PAPPA2: variants seen among roughly 807,000 people sequenced by gnomAD.
The protein encoded by PAPPA2 is pappalysin 2.
In PAPPA2, 86 loss-of-function variants were observed where a neutral mutation model predicts 176.4. The observed-to-expected ratio is 0.49, with a 90% CI of 0.41 to 0.58. PAPPA2 has a LOEUF of 0.58. PAPPA2 is among the 20% of genes least tolerant of loss of function. The probability of loss-of-function intolerance (pLI) is 0.00; values close to 1 mark genes in which losing one functional copy is unlikely to be tolerated. For synonymous variants in PAPPA2, 809 were observed against 852.2 expected, an observed-to-expected ratio of 0.95 and a Z score of 0.88; for missense variants, 2,073 against 2,256.9, an observed-to-expected ratio of 0.92 and a Z score of 1.65.
intron 2 of PAPPA2, among the ~76,000 whole-genome samples, chr1:176,558,230 A>G (rs565151198): frequency 6.6e-6 from 1 of 152,342 alleles, no homozygotes; most frequent in Admixed American, 6.5e-5. Context: ...AATTATCCAC[A>G]GTGCTCTTTC....
At chr1:176,561,795 A>C (rs947342848) in intron 2 of PAPPA2, among the ~76,000 whole-genome samples, 1 of 152,156 alleles carries the variant, frequency 6.6e-6, no homozygotes, top group Admixed American at 6.5e-5. Flanking sequence ...GCTGCTGATA[A>C]AGACATACCT....
chr1:176,764,900 C>G (rs749082177), intron 14 of PAPPA2, among the ~76,000 whole-genome samples: 1 of 152,170 alleles, frequency 6.6e-6, no homozygotes, highest in Non-Finnish European at 1.5e-5. Flanking sequence ...CCGGCCTGCT[C>G]CAGTGTATTC....
chr1:176,716,853 C>T (rs533415936), intron 12 of PAPPA2, among the ~76,000 whole-genome samples: 2 of 151,998 alleles, frequency 1.3e-5, no homozygotes, highest in African/African-American at 4.8e-5. Context: ...CCTCGTGATC[C>T]GCCCATCTCG....
chr1:176,804,797 T>C (rs1665826499), intron 21 of PAPPA2, among the ~76,000 whole-genome samples: 1 of 152,200 alleles, frequency 6.6e-6, no homozygotes, highest in South Asian at 2.1e-4. Flanking sequence ...CAGAAAACAT[T>C]TATTGATTGA....
At chr1:176,695,702 T>G in intron 6 of PAPPA2, 36 bp from the exon 7 acceptor site, 2 of 1,611,024 alleles carry the variant, frequency 1.2e-6, no homozygotes, top group Middle Eastern at 1.7e-4. Flanking sequence ...TGATGGACTC[T>G]CCTCATCTCC....
At chr1:176,706,487 C>T in intron 10 of PAPPA2, 37 bp downstream of exon 10, 1 of 1,556,286 alleles carries the variant, frequency 6.4e-7, no homozygotes, top group East Asian at 2.3e-5. Flanking sequence ...TTGTGTCCTA[C>T]TTTTAGAGGT....
chr1:176,791,501 C>T lies in PAPPA2; in HGVS notation c.5020+19C>T. The T allele has an allele frequency of 6.3e-7, 1 of 1,598,618 alleles. No homozygotes were observed. Among genetic ancestry groups the T allele is most frequent in the Non-Finnish European group, 8.5e-7 (1 of 1,171,324 alleles). On this transcript the variant is annotated intron_variant, in intron 19 of 22. Coordinates refer to ENST00000367662, the MANE Select transcript of PAPPA2 (RefSeq NM_020318.3). Reference sequence around the variant, plus strand: ...GGGATTGGTAAGGATAGGAGTGAATCTTAAAGTCAATTTCTATGTCATTCT... The same window carrying T: ...GGGATTGGTAAGGATAGGAGTGAATTTTAAAGTCAATTTCTATGTCATTCT...
intron 8 of PAPPA2, among the ~76,000 whole-genome samples, chr1:176,700,559 G>A (rs567165563): frequency 1.3e-5 from 2 of 152,340 alleles, no homozygotes; most frequent in East Asian, 3.9e-4. Context: ...GGAGATGAGG[G>A]CCTCTTTCCT....
intron 15 of PAPPA2, among the ~76,000 whole-genome samples, chr1:176,768,637 G>A (rs1044464496): frequency 1.3e-5 from 2 of 151,966 alleles, no homozygotes; most frequent in African/African-American, 4.8e-5. Flanking sequence ...GTTTCAACAT[G>A]TGATTTGCTT....
intron 3 of PAPPA2, among the ~76,000 whole-genome samples, chr1:176,640,520 A>G (rs936050026): frequency 1.1e-3 from 160 of 151,300 alleles, no homozygotes; most frequent in Non-Finnish European, 1.9e-3. Flanking sequence ...AAGGACATGA[A>G]CTCATTTTTT....
intron 1 of PAPPA2, among the ~76,000 whole-genome samples, chr1:176,521,133 AG>A (rs1205908984): frequency 8.8e-5 from 13 of 147,582 alleles, no homozygotes; most frequent in African/African-American, 2.8e-4. Context: ...AGAGAGAGAG[AG>A]TAGGGCGGTG....
intron 12 of PAPPA2, among the ~76,000 whole-genome samples, chr1:176,728,559 A>G (rs1661988530): frequency 1.3e-5 from 2 of 151,966 alleles, no homozygotes; most frequent in East Asian, 1.9e-4. Flanking sequence ...CTGTATAGAA[A>G]GACTCAATAT....
At chr1:176,478,537 C>A (rs576938785) in intron 1 of PAPPA2, among the ~76,000 whole-genome samples, 1 of 152,360 alleles carries the variant, frequency 6.6e-6, no homozygotes, top group African/African-American at 2.4e-5. Flanking sequence ...TGCAGAATAA[C>A]AATCACAGCC....
chr1:176,508,573 A>T (rs1392043194), intron 1 of PAPPA2, among the ~76,000 whole-genome samples: 1 of 151,114 alleles, frequency 6.6e-6, no homozygotes, highest in Non-Finnish European at 1.5e-5. Flanking sequence ...TGAAGTATAT[A>T]TAGGAAAAAA....
chr1:176,675,257 C>G (rs907772532), intron 4 of PAPPA2, among the ~76,000 whole-genome samples: 5 of 152,062 alleles, frequency 3.3e-5, no homozygotes, highest in Non-Finnish European at 7.4e-5. Context: ...TATGATTGTT[C>G]ATGCACAGTG....
Position 176,727,110 on chromosome 1 carries a change from T to A in PAPPA2, c.3799-12516T>A, listed in dbSNP as rs536560519. On this transcript the variant is annotated intron_variant, in intron 12 of 22. Transcript: ENST00000367662. ...GAGGAAAAGTCAAAGAGAAGATTAA[T>A]GGAATAATAAAATAAATGGATTCAA... Among the ~76,000 whole-genome samples the A allele has an allele frequency of 1.7e-4, 26 of 152,074 alleles. No individual in the cohort carries two copies. In the South Asian group the frequency reaches 5.2e-3, roughly 30 times the overall value.
At chr1:176,637,570 A>T (rs771121694) in intron 3 of PAPPA2, among the ~76,000 whole-genome samples, 16 of 152,150 alleles carry the variant, frequency 1.1e-4, no homozygotes, top group Non-Finnish European at 2.1e-4. Flanking sequence ...CTTTTGATCA[A>T]GTGGATACTG....
intron 14 of PAPPA2, among the ~76,000 whole-genome samples, chr1:176,742,304 GAA>G (rs376795422): frequency 2.8e-5 from 4 of 142,362 alleles, no homozygotes; most frequent in South Asian, 2.2e-4. Context: ...AACTGAACAA[GAA>G]AAAAAAAAAG....
intron 4 of PAPPA2, among the ~76,000 whole-genome samples, chr1:176,686,415 A>G (rs892207668): frequency 6.6e-6 from 1 of 152,302 alleles, no homozygotes; most frequent in South Asian, 2.1e-4. Context: ...AACTGCCCCC[A>G]TGATTCAATT....
Sources: gnomAD v4.1 joint callset for allele counts (sites outside exome capture counted in the v4.1 genomes callset) on GRCh38, gnomAD v4.1.1 for gene constraint, MANE v1.5 for transcripts, NCBI Gene and HGNC (gene_info 2026-07-23, HGNC 2026-07-21) for gene names.